The following COQ7 variants were observed in gnomAD, a reference collection of about 807,000 sequenced individuals.
COQ7 encodes the protein coenzyme Q7, hydroxylase.
COQ7 carries 21 observed loss-of-function variants against 25.0 expected under a neutral mutation model. The ratio of observed to expected loss-of-function variants is 0.84; its 90% confidence interval spans 0.60 to 1.21. COQ7 has a LOEUF of 1.21. Among genes scored for constraint, COQ7 ranks in the 50% most tolerant of loss-of-function variants. COQ7 has a pLI of 0.00. For missense variants in COQ7, 311 were observed against 296.2 expected, an observed-to-expected ratio of 1.05 and a Z score of -0.37; for synonymous variants, 125 against 112.4, an observed-to-expected ratio of 1.11 and a Z score of -0.71.
chr16:19,073,077 G>A (rs150528936), intron 2 of COQ7, among the ~76,000 whole-genome samples: 33 of 152,182 alleles, frequency 2.2e-4, no homozygotes, highest in African/African-American at 3.9e-4. Flanking sequence ...AAGCTGTGGC[G>A]GGTGGATCAC....
chr16:19,067,747 G>A lies in COQ7; in HGVS notation c.73+10G>A. On this transcript the variant is annotated intron_variant, in intron 1 of 5. Coordinates refer to ENST00000321998, the MANE Select transcript of COQ7 (RefSeq NM_016138.5). Reference sequence around the variant, plus strand: ...CGGCGGTCCCTCTCAGGTAAAAGGAGGCGCGCAGTCACAGTCCTGCGCCGG... The same window carrying A: ...CGGCGGTCCCTCTCAGGTAAAAGGAAGCGCGCAGTCACAGTCCTGCGCCGG... 6.3e-7 allele frequency: 1 copy of A among 1,599,100 alleles called. No homozygotes were observed. The highest frequency in any genetic ancestry group is 8.5e-7 in the Non-Finnish European group (1 of 1,177,524).
chr16:19,073,084 T>C (rs1374092283), intron 2 of COQ7, among the ~76,000 whole-genome samples: 2 of 152,028 alleles, frequency 1.3e-5, no homozygotes, highest in African/African-American at 4.8e-5. Flanking sequence ...GGCGGGTGGA[T>C]CACCTGAGGT....
rs1389378104 is a variant in COQ7, at chr16:19,072,322, C to T, written c.252+216C>T. 38 of 566,016 alleles carry T rather than the reference C, an allele frequency of 6.7e-5. No individual in the cohort carries two copies. In the East Asian group the frequency reaches 1.0e-3, roughly 15 times the overall value. 35.1% of individuals were successfully genotyped at this position (566,016 alleles called of 1,614,324 possible). Reference sequence around the variant, plus strand: ...GACATCTAGTACATAGACAGGTATGCGGTATATCTTTGGTATCAGTACTCC... The same window carrying T: ...GACATCTAGTACATAGACAGGTATGTGGTATATCTTTGGTATCAGTACTCC... On this transcript the variant is annotated intron_variant, in intron 2 of 5. Coordinates refer to ENST00000321998, the MANE Select transcript of COQ7 (RefSeq NM_016138.5).
intron 3 of COQ7, among the ~76,000 whole-genome samples, chr16:19,074,733 G>A (rs1397074428): frequency 6.6e-6 from 1 of 151,958 alleles, no homozygotes; most frequent in African/African-American, 2.4e-5. Flanking sequence ...TTGTAGAGAT[G>A]GGGTCTCGTT....
intron 1 of COQ7, among the ~76,000 whole-genome samples, chr16:19,069,507 T>C (rs1302340729): frequency 6.8e-6 from 1 of 147,440 alleles, no homozygotes; most frequent in Non-Finnish European, 1.5e-5. Context: ...GCCTCCTGGG[T>C]TCAAGTGATT....
chr16:19,069,536 G>A (rs548823808), intron 1 of COQ7, among the ~76,000 whole-genome samples: 10 of 149,344 alleles, frequency 6.7e-5, no homozygotes, highest in East Asian at 6.1e-4. Flanking sequence ...TCAGACTCCC[G>A]AGTAGCTGAG....
At chr16:19,075,442 C>CGCCA (rs1555522397) in intron 3 of COQ7, among the ~76,000 whole-genome samples, 2 of 151,864 alleles carry the variant, frequency 1.3e-5, no homozygotes, top group African/African-American at 4.8e-5. Context: ...TCAGGTGATC[C>CGCCA]GCCTCGGCCT....
chr16:19,069,903 C>T (rs905940148), intron 1 of COQ7, among the ~76,000 whole-genome samples: 1 of 152,014 alleles, frequency 6.6e-6, no homozygotes, highest in African/African-American at 2.4e-5. Context: ...TCTGCCTCAG[C>T]CTCCTGAGTA....
rs113575419 is a variant in COQ7, at chr16:19,067,647, C to CT, written c.-11dup. 7.8e-3 allele frequency: 12,547 copies of CT among 1,613,552 alleles called. 88 individuals carry two copies. The highest frequency in any genetic ancestry group is 0.035 in the Middle Eastern group (211 of 6,058). On this transcript the variant is annotated 5_prime_UTR_variant, in exon 1 of 6. Coordinates refer to ENST00000321998, the MANE Select transcript of COQ7 (RefSeq NM_016138.5). ...CCAGTTCCGTTCAACGAAGTGGTTGCTTTTTTTAGTTCCGGCAATGAGTTG... is the reference window on the plus strand; with the variant it reads ...CCAGTTCCGTTCAACGAAGTGGTTGCTTTTTTTTAGTTCCGGCAATGAGTTG...
At chr16:19,068,874 A>G (rs1293598244) in intron 1 of COQ7, 1 of 438,998 alleles carries the variant, frequency 2.3e-6, no homozygotes, top group Admixed American at 2.6e-5. Flanking sequence ...ACTTGCCACA[A>G]ATGGGTGAGT....
chr16:19,077,274 T>TA, intron 4 of COQ7, 32 bp from the exon 5 acceptor site: 1 of 1,600,474 alleles, frequency 6.2e-7, no homozygotes, highest in Non-Finnish European at 8.6e-7. Flanking sequence ...GTTGGAAGGC[T>TA]AACTTGCTTT....
downstream of COQ7, among the ~76,000 whole-genome samples, chr16:19,081,175 T>A (rs558334522): frequency 3.9e-5 from 6 of 152,350 alleles, no homozygotes; most frequent in African/African-American, 1.2e-4. Flanking sequence ...GGTATACTCC[T>A]GTGAACAAAA....
chr16:19,082,269 A>G (rs530432045), downstream of COQ7, among the ~76,000 whole-genome samples: 42 of 152,322 alleles, frequency 2.8e-4, no homozygotes, highest in Admixed American at 8.5e-4. Context: ...AGTTCTGGAA[A>G]TGTATGACGT....
intron 1 of COQ7, 36 bp downstream of exon 1, chr16:19,067,773 T>C (rs4531717): frequency 1.9e-6 from 3 of 1,580,502 alleles, no homozygotes; most frequent in Non-Finnish European, 2.6e-6. Flanking sequence ...CCTGCGCCGG[T>C]CTAGCGAGCT....
intron 1 of COQ7, among the ~76,000 whole-genome samples, chr16:19,070,749 CAA>C (rs935274619): frequency 3.1e-5 from 4 of 130,916 alleles, no homozygotes; most frequent in Non-Finnish European, 3.3e-5. Context: ...GAGTCTGTCT[CAA>C]AAAAAAAAAA....
chr16:19,072,040 A>C lies in COQ7; in HGVS notation c.186A>C (p.Gly62=). Reference sequence around the variant, plus strand: ...GGGTGGATCATGCAGGCGAATATGGAGCAAACCGCATCTATGCCGGGCAGA... The same window carrying C: ...GGGTGGATCATGCAGGCGAATATGGCGCAAACCGCATCTATGCCGGGCAGA... ...IIRVDHAGEY[G]ANRIYAGQMA... The change falls in exon 2 of 6, where the codon GGA becomes GGC. Residue 62 remains glycine, a synonymous_variant. Coordinates refer to ENST00000321998, the MANE Select transcript of COQ7 (RefSeq NM_016138.5). The C allele has an allele frequency of 6.2e-7, 1 of 1,614,192 alleles. No homozygotes were observed. Among genetic ancestry groups the C allele is most frequent in the Non-Finnish European group, 8.5e-7 (1 of 1,180,042 alleles).
chr16:19,073,858 G>T, intron 2 of COQ7, 63 bp from the exon 3 acceptor site: 3 of 1,229,622 alleles, frequency 2.4e-6, no homozygotes, highest in Non-Finnish European at 3.5e-6. Context: ...CCTGTATGCC[G>T]CTTGGATGAG....
Position 19,078,064 on chromosome 16 carries a change from C to A in COQ7, c.577-17C>A. ...AGCACATAACATGTTTCTTTGTTTG[C>A]TTATTGTTTTTAACAGGCTCCAGCC... On this transcript the variant is annotated splice_polypyrimidine_tract_variant and intron_variant, in intron 5 of 5. Transcript: ENST00000321998. 1 of 1,580,832 alleles carries A rather than the reference C, an allele frequency of 6.3e-7. No individual in the cohort carries two copies. Among genetic ancestry groups the A allele is most frequent in the African/African-American group, 1.4e-5 (1 of 73,124 alleles).
At chr16:19,068,710 A>G (rs139252552) in intron 1 of COQ7, 72 of 236,716 alleles carry the variant, frequency 3.0e-4, no homozygotes, top group African/African-American at 1.6e-3. Flanking sequence ...TCAACGTTAA[A>G]TTACCGTGTA....
Sources: gnomAD v4.1 joint callset for allele counts (sites outside exome capture counted in the v4.1 genomes callset) on GRCh38, gnomAD v4.1.1 for gene constraint, MANE v1.5 for transcripts, NCBI Gene and HGNC (gene_info 2026-07-23, HGNC 2026-07-21) for gene names.